Variants in TLK2 observed in about 807,000 individuals in gnomAD.
The protein encoded by TLK2 is tousled like kinase 2, also known as serine/threonine-protein kinase tousled-like 2.
Under a neutral mutation model 117.3 loss-of-function variants are expected in TLK2, and 6 were observed. The observed-to-expected ratio is 0.05, with a 90% CI of 0.03 to 0.10. The LOEUF (loss-of-function observed/expected upper bound fraction) is 0.10, where lower values mean the gene tolerates loss of function less well. TLK2 is among the 10% of genes least tolerant of loss of function. TLK2 has a pLI of 1.00. For missense variants in TLK2, 299 were observed against 901.2 expected (o/e 0.33, Z 8.56); for synonymous variants, 257 against 316.7 (o/e 0.81, Z 2.00).
At chr17:62,554,751 T>C (rs1211016958) in intron 9 of TLK2, among the ~76,000 whole-genome samples, 2 of 151,944 alleles carry the variant, frequency 1.3e-5, no homozygotes, top group African/African-American at 2.4e-5. Flanking sequence ...CATGGTGGTG[T>C]GTCTGTGGTC....
At chr17:62,575,387 G>A (rs1178716446) in intron 12 of TLK2, among the ~76,000 whole-genome samples, 5 of 152,190 alleles carry the variant, frequency 3.3e-5, no homozygotes, top group Admixed American at 2.6e-4. Context: ...TTTCGCTGGT[G>A]TGGAATGGAG....
chr17:62,601,006 G>A lies in TLK2; in HGVS notation c.1720+186G>A, dbSNP rs75688345. 3.4e-3 allele frequency among the ~76,000 whole-genome samples: 522 copies of A among 152,284 alleles called. 3 individuals are homozygous for A. The highest frequency in any genetic ancestry group is 0.012 in the African/African-American group (488 of 41,566). ...AGCAGCACTGGGTTTAGGAGGGCGT[G>A]TTGGATTAAATACTCTGGAGAAACA... On this transcript the variant is annotated intron_variant, in intron 18 of 21. Transcript: ENST00000346027.
At chr17:62,587,980 T>G (rs60188941) in intron 16 of TLK2, among the ~76,000 whole-genome samples, 5 of 149,566 alleles carry the variant, frequency 3.3e-5, no homozygotes, top group East Asian at 4.0e-4. Context: ...TACGTATACA[T>G]CTGTATATGT....
chr17:62,528,056 A>G (rs1462433153), intron 6 of TLK2, among the ~76,000 whole-genome samples: 2 of 152,130 alleles, frequency 1.3e-5, no homozygotes, highest in South Asian at 2.1e-4. Flanking sequence ...TGTTAATCTC[A>G]TAAGAATGGG....
chr17:62,539,145 A>G (rs1227368407), intron 7 of TLK2, among the ~76,000 whole-genome samples: 2 of 152,210 alleles, frequency 1.3e-5, no homozygotes, highest in East Asian at 1.9e-4. Flanking sequence ...ATGTATCTCA[A>G]TGTTAAGTTT....
intron 5 of TLK2, among the ~76,000 whole-genome samples, chr17:62,523,712 A>C (rs1483278729): frequency 6.6e-6 from 1 of 152,136 alleles, no homozygotes; most frequent in Non-Finnish European, 1.5e-5. Flanking sequence ...ATTTAAATTT[A>C]TTATGTGTCT....
chr17:62,581,108 G>C (rs994059960), intron 15 of TLK2, among the ~76,000 whole-genome samples: 2 of 152,014 alleles, frequency 1.3e-5, no homozygotes, highest in Non-Finnish European at 2.9e-5. Flanking sequence ...AAACTGCTGG[G>C]CACAAGCAAG....
At chr17:62,480,529 G>C (rs1045867266) in intron 1 of TLK2, among the ~76,000 whole-genome samples, 5 of 152,202 alleles carry the variant, frequency 3.3e-5, no homozygotes, top group Non-Finnish European at 5.9e-5. Context: ...AGTGAATGGA[G>C]GTGGATGGTT....
intron 6 of TLK2, among the ~76,000 whole-genome samples, chr17:62,534,398 C>A (rs1008796706): frequency 7.2e-5 from 11 of 152,184 alleles, no homozygotes; most frequent in African/African-American, 2.7e-4. Flanking sequence ...CTTTTATATT[C>A]ATCTGTGAAG....
chr17:62,551,802 C>A (rs536861164), intron 7 of TLK2: 15 of 163,200 alleles, frequency 9.2e-5, no homozygotes, highest in South Asian at 4.9e-4. Flanking sequence ...ATTTAAAATG[C>A]CTTAGAATGC....
chr17:62,540,019 C>T (rs921408104), intron 7 of TLK2, among the ~76,000 whole-genome samples: 1 of 151,926 alleles, frequency 6.6e-6, no homozygotes, highest in Admixed American at 6.6e-5. Flanking sequence ...ATTTCTCCTA[C>T]AGCTGCCTTT....
At position 62,482,002 on chromosome 17, in the gene TLK2, A is replaced by G. The variant is rs565192987; in HGVS notation, c.81+796A>G. Among the ~76,000 whole-genome samples, 393 of 151,984 alleles carry G rather than the reference A, an allele frequency of 2.6e-3. 1 individual carries two copies. The highest frequency in any genetic ancestry group is 4.7e-3 in the Non-Finnish European group (319 of 67,966). On this transcript the variant is annotated intron_variant, in intron 2 of 21. Coordinates refer to ENST00000346027, the MANE Select transcript of TLK2 (RefSeq NM_006852.6). ...CTCTTGTCGCCGAGGCTGGAGTGCA[A>G]TGGCGTGATCTCGGCTCACTGCAGC...
At chr17:62,560,688 G>T (rs1280926832) in intron 10 of TLK2, among the ~76,000 whole-genome samples, 1 of 144,360 alleles carries the variant, frequency 6.9e-6, no homozygotes. Context: ...TTGAGGCTGA[G>T]TCTCATCCAG....
At chr17:62,503,301 G>A (rs1380544057) in intron 2 of TLK2, among the ~76,000 whole-genome samples, 7 of 151,946 alleles carry the variant, frequency 4.6e-5, no homozygotes, top group Admixed American at 2.6e-4. Context: ...CCTGTGATCC[G>A]CCTGCCTTGG....
chr17:62,549,814 A>G (rs1488218631), intron 7 of TLK2: 3 of 145,196 alleles, frequency 2.1e-5, no homozygotes, highest in East Asian at 2.0e-4. Flanking sequence ...ACGCCTGGCT[A>G]ATTTTTTTTG....
chr17:62,549,274 C>T (rs2078197391), intron 7 of TLK2, among the ~76,000 whole-genome samples: 1 of 146,194 alleles, frequency 6.8e-6, no homozygotes, highest in Non-Finnish European at 1.5e-5. Flanking sequence ...TGGCGGGTGC[C>T]TGTAGTCCCA....
intron 17 of TLK2, among the ~76,000 whole-genome samples, chr17:62,599,387 C>G (rs929586619): frequency 6.6e-6 from 1 of 152,206 alleles, no homozygotes; most frequent in Admixed American, 6.5e-5. Flanking sequence ...AGCGCTAGAC[C>G]TGAGTCTGTT....
chr17:62,603,364 A>G (rs1000674037), intron 19 of TLK2, among the ~76,000 whole-genome samples: 3 of 152,262 alleles, frequency 2.0e-5, no homozygotes, highest in Non-Finnish European at 2.9e-5. Flanking sequence ...GATTTAAAAT[A>G]GAAGCTGCAT....
At chr17:62,548,238 A>ATGTG (rs141908103) in intron 7 of TLK2, among the ~76,000 whole-genome samples, 20,587 of 111,160 alleles carry the variant, frequency 0.19, 2,013 homozygotes, top group Non-Finnish European at 0.23. Flanking sequence ...ATATATATAT[A>ATGTG]TATGTGTGTG....
Sources: allele counts gnomAD v4.1 joint callset (sites outside exome capture counted in the v4.1 genomes callset), GRCh38; gene constraint gnomAD v4.1.1; transcripts MANE v1.5; gene names NCBI Gene and HGNC (gene_info 2026-07-23, HGNC 2026-07-21).